Variants in NR1I2 observed in about 807,000 individuals in gnomAD.
NR1I2 encodes the protein nuclear receptor subfamily 1 group I member 2, also known as orphan nuclear receptor PAR1.
NR1I2 carries 42 observed loss-of-function variants against 43.3 expected under a neutral mutation model. The observed-to-expected ratio is 0.97, with a 90% CI of 0.76 to 1.26. NR1I2 has a LOEUF of 1.26. Among genes scored for constraint, NR1I2 ranks in the 50% most tolerant of loss-of-function variants. NR1I2 has a pLI of 0.00. For missense variants in NR1I2, 559 were observed against 566.7 expected, an observed-to-expected ratio of 0.99 and a Z score of 0.14; for synonymous variants, 229 against 215.0, an observed-to-expected ratio of 1.06 and a Z score of -0.57.
chr3:119,799,902 C>T (rs1209462905), intron 1 of NR1I2, among the ~76,000 whole-genome samples: 2 of 152,054 alleles, frequency 1.3e-5, no homozygotes, highest in Non-Finnish European at 2.9e-5. Context: ...ATCGCTTGAA[C>T]CTGGGAGGCA....
intron 2 of NR1I2, among the ~76,000 whole-genome samples, chr3:119,809,571 G>A: frequency 6.9e-6 from 1 of 144,958 alleles, no homozygotes; most frequent in South Asian, 2.3e-4. Context: ...GGGGGAAGGC[G>A]GGGGGGTGGG....
At chr3:119,803,007 A>T in intron 1 of NR1I2, 2 of 456,042 alleles carry the variant, frequency 4.4e-6, no homozygotes, top group Non-Finnish European at 8.8e-6. Context: ...ATGAGGGTAG[A>T]ACCCTCATGA....
rs368418923 is a variant in NR1I2, at chr3:119,817,206, T to G, written c.1299T>G (p.Gly433=). Residue 433 remains glycine, a synonymous_variant, in exon 9 of 9, where the codon GGT becomes GGG. Coordinates refer to ENST00000393716, the MANE Select transcript of NR1I2 (RefSeq NM_003889.4). ...TGCAGGAGTTGTTCGGCATCACAGGTAGCTGAGCGGCTGCCCTTGGGTGAC... is the reference window on the plus strand; with the variant it reads ...TGCAGGAGTTGTTCGGCATCACAGGGAGCTGAGCGGCTGCCCTTGGGTGAC... The G allele has an allele frequency of 9.9e-6, 16 of 1,613,746 alleles. No individual in the cohort carries two copies. The African/African-American group carries it at 2.1e-4, about 22-fold the overall frequency.
At chr3:119,801,869 C>T (rs1292487555) in intron 1 of NR1I2, among the ~76,000 whole-genome samples, 1 of 152,194 alleles carries the variant, frequency 6.6e-6, no homozygotes, top group South Asian at 2.1e-4. Context: ...GGTCCTGTCT[C>T]ATCGGTGCGA....
chr3:119,791,722 C>T, intron 1 of NR1I2: 1 of 381,718 alleles, frequency 2.6e-6, no homozygotes, highest in Non-Finnish European at 5.1e-6. Context: ...TGAGACCAGC[C>T]TGGCCAACAT....
rs1437849895 is a variant in NR1I2 at position 119,818,459 on chromosome 3, A to G, written c.*1247A>G. 2.5e-5 allele frequency: 25 copies of G among 985,124 alleles called. No individual in the cohort carries two copies. In the Admixed American group the frequency reaches 8.0e-4, roughly 31 times the overall value. 61.0% of individuals were successfully genotyped at this position (985,124 alleles called of 1,614,324 possible). ...GGGTTTAATGTCAAATCAAGGCAAA[A>G]GGAATTAAATAATGTACTTTTGGCT... On this transcript the variant is annotated 3_prime_UTR_variant, in exon 9 of 9. Coordinates refer to ENST00000393716, the MANE Select transcript of NR1I2 (RefSeq NM_003889.4).
intron 1 of NR1I2, among the ~76,000 whole-genome samples, chr3:119,797,365 G>A (rs1038524767): frequency 2.0e-5 from 3 of 152,034 alleles, no homozygotes; most frequent in Non-Finnish European, 2.9e-5. Context: ...GAGCTCAGTG[G>A]GCCAGGCAGG....
chr3:119,787,792 CAT>C (rs1328804277), intron 1 of NR1I2, among the ~76,000 whole-genome samples: 3 of 151,402 alleles, frequency 2.0e-5, no homozygotes, highest in African/African-American at 7.3e-5. Context: ...TGTATACACA[CAT>C]AATTAAATAT....
chr3:119,806,446 G>C (rs1009204944), intron 1 of NR1I2, among the ~76,000 whole-genome samples: 17 of 152,018 alleles, frequency 1.1e-4, no homozygotes, highest in African/African-American at 3.9e-4. Flanking sequence ...CATCGATCTT[G>C]GCTGTTTTTT....
intron 1 of NR1I2, among the ~76,000 whole-genome samples, chr3:119,793,377 C>T (rs1328588949): frequency 2.0e-5 from 3 of 152,188 alleles, no homozygotes; most frequent in Non-Finnish European, 4.4e-5. Context: ...CCTTACCACT[C>T]AGGCAAGATT....
intron 1 of NR1I2, among the ~76,000 whole-genome samples, chr3:119,806,284 A>G (rs1559788124): frequency 6.6e-6 from 1 of 151,640 alleles, no homozygotes; most frequent in East Asian, 1.9e-4. Flanking sequence ...GTACAGCTCA[A>G]TTTTTTTTCT....
chr3:119,786,320 C>A (rs2054842562), intron 1 of NR1I2, among the ~76,000 whole-genome samples: 3 of 151,890 alleles, frequency 2.0e-5, no homozygotes, highest in Admixed American at 2.0e-4. Context: ...GTGTAGGGAA[C>A]CTCTCTTGCA....
At position 119,793,635 on chromosome 3, in the gene NR1I2, C is replaced by T. The variant is rs115191741; in HGVS notation, c.-23+11335C>T. ...CTTTCTCTGATCAAACCCAGGAAAG[C>T]TTTTCTAATTTTAAGATTCATGTGA... On this transcript the variant is annotated intron_variant, in intron 1 of 8. Coordinates refer to ENST00000393716, the MANE Select transcript of NR1I2 (RefSeq NM_003889.4). Among the ~76,000 whole-genome samples the T allele has an allele frequency of 6.7e-3, 1,016 of 152,330 alleles. 8 individuals are homozygous for T. The highest frequency in any genetic ancestry group is 0.023 in the African/African-American group (972 of 41,566).
chr3:119,795,881 C>G (rs1443100912), intron 1 of NR1I2, among the ~76,000 whole-genome samples: 2 of 152,214 alleles, frequency 1.3e-5, no homozygotes. Context: ...GCACCTTCTA[C>G]TGATCATTTC....
rs148729090 is a variant in NR1I2, at chr3:119,806,316, A to G, written c.-22-913A>G. Among the ~76,000 whole-genome samples, 1,373 of 152,236 alleles carry G rather than the reference A, an allele frequency of 9.0e-3. 19 individuals are homozygous for G. Among genetic ancestry groups the G allele is most frequent in the African/African-American group, 0.032 (1,315 of 41,528 alleles). ...TTCTTTCTTTTAGAGATGAGGTCTC[A>G]CTTTATCACCCAGGCTAGAGTGCTC... On this transcript the variant is annotated intron_variant, in intron 1 of 8. Transcript: ENST00000393716.
rs568292933 is a variant in NR1I2 at position 119,800,380 on chromosome 3, T to C, written c.-22-6849T>C. On this transcript the variant is annotated intron_variant, in intron 1 of 8. Coordinates refer to ENST00000393716, the MANE Select transcript of NR1I2 (RefSeq NM_003889.4). ...CTGTCTTTATACTAATGCCACATTA[T>C]CTTGGTTATTTTAGCTTTGTTGTAA... 1.2e-4 allele frequency among the ~76,000 whole-genome samples: 18 copies of C among 152,338 alleles called. 1 individual carries two copies. In the South Asian group the frequency reaches 3.7e-3, roughly 32 times the overall value.
intron 1 of NR1I2, among the ~76,000 whole-genome samples, chr3:119,799,780 G>A (rs1160439908): frequency 1.3e-5 from 2 of 152,100 alleles, no homozygotes; most frequent in East Asian, 3.9e-4. Context: ...AGGAATTTGA[G>A]ACCAGCCTGG....
intron 1 of NR1I2, among the ~76,000 whole-genome samples, chr3:119,794,186 T>G (rs2054961934): frequency 6.6e-6 from 1 of 151,772 alleles, no homozygotes; most frequent in East Asian, 1.9e-4. Flanking sequence ...AGTTTTTTTG[T>G]TTGTTTGTTT....
chr3:119,787,813 GTGTGTATGTA>G (rs1192467661), intron 1 of NR1I2, among the ~76,000 whole-genome samples: 1 of 151,736 alleles, frequency 6.6e-6, no homozygotes, highest in Admixed American at 6.6e-5. Flanking sequence ...ATATGTAATC[GTGTGTATGTA>G]TATGTATGTA....
Sources: allele counts gnomAD v4.1 joint callset (sites outside exome capture counted in the v4.1 genomes callset), GRCh38; gene constraint gnomAD v4.1.1; transcripts MANE v1.5; gene names NCBI Gene and HGNC (gene_info 2026-07-23, HGNC 2026-07-21).